KIAA0825: variants seen among roughly 807,000 people sequenced by gnomAD.
KIAA0825 encodes the protein uncharacterized protein KIAA0825.
A neutral mutation model predicts 147.6 loss-of-function variants in KIAA0825; 119 were observed. The ratio of observed to expected loss-of-function variants is 0.81; its 90% CI spans 0.69 to 0.94. KIAA0825 has a LOEUF of 0.94. Ranked by LOEUF, KIAA0825 falls within the 40% of genes least tolerant of loss-of-function variation. The pLI is 0.00. For synonymous variants in KIAA0825, 470 were observed against 518.1 expected (o/e 0.91, Z 1.26); for missense variants, 1,381 against 1,472.7 (o/e 0.94, Z 1.02).
At chr5:94,234,707 G>T (rs953616330) in intron 20 of KIAA0825, among the ~76,000 whole-genome samples, 1 of 152,114 alleles carries the variant, frequency 6.6e-6, no homozygotes, top group Non-Finnish European at 1.5e-5. Flanking sequence ...ACCAGATCTT[G>T]TGTGAACTCA....
intron 20 of KIAA0825, among the ~76,000 whole-genome samples, chr5:94,319,494 C>G (rs535088653): frequency 6.6e-6 from 1 of 152,002 alleles, no homozygotes; most frequent in South Asian, 2.1e-4. Context: ...CGTAGTATCT[C>G]CAAAAGAGAA....
chr5:94,325,154 G>T (rs1300785837), intron 20 of KIAA0825, among the ~76,000 whole-genome samples: 1 of 151,938 alleles, frequency 6.6e-6, no homozygotes, highest in Non-Finnish European at 1.5e-5. Context: ...CAACCTGCTA[G>T]TCAAATTAAA....
chr5:94,435,109 A>C (rs1756169248), intron 14 of KIAA0825, among the ~76,000 whole-genome samples: 1 of 152,014 alleles, frequency 6.6e-6, no homozygotes. Context: ...ATGAAAAAAA[A>C]CCACTATTTT....
chr5:94,243,845 T>C (rs181200053), intron 20 of KIAA0825, among the ~76,000 whole-genome samples: 259 of 152,318 alleles, frequency 1.7e-3, no homozygotes, highest in African/African-American at 5.7e-3. Flanking sequence ...AGATTTATCA[T>C]CTAAATGCCT....
At chr5:94,244,171 T>G (rs1005108596) in intron 20 of KIAA0825, among the ~76,000 whole-genome samples, 1 of 152,214 alleles carries the variant, frequency 6.6e-6, no homozygotes, top group Non-Finnish European at 1.5e-5. Flanking sequence ...AAGTCTGTGT[T>G]TGTGCACCGG....
At chr5:94,472,625 T>G (rs1269555492) in intron 8 of KIAA0825, among the ~76,000 whole-genome samples, 2 of 152,008 alleles carry the variant, frequency 1.3e-5, no homozygotes, top group Non-Finnish European at 2.9e-5. Flanking sequence ...GCGCCTTTAG[T>G]CCCAGCTACT....
At chr5:94,430,739 T>G (rs1204649957) in intron 14 of KIAA0825, among the ~76,000 whole-genome samples, 1 of 152,208 alleles carries the variant, frequency 6.6e-6, no homozygotes, top group African/African-American at 2.4e-5. Context: ...TACAGTCATA[T>G]TAGACATTTT....
chr5:94,480,829 C>A (rs1179726767), intron 6 of KIAA0825, among the ~76,000 whole-genome samples: 2 of 152,028 alleles, frequency 1.3e-5, no homozygotes, highest in African/African-American at 4.8e-5. Context: ...TATAATCCCT[C>A]TCCCCCAAAT....
chr5:94,228,372 C>G (rs1774392414), intron 20 of KIAA0825, among the ~76,000 whole-genome samples: 1 of 152,180 alleles, frequency 6.6e-6, no homozygotes, highest in African/African-American at 2.4e-5. Flanking sequence ...TCTAATATTT[C>G]TGTCTCTTGA....
At chr5:94,609,459 A>T (rs1279447955) in intron 1 of KIAA0825, among the ~76,000 whole-genome samples, 1 of 152,200 alleles carries the variant, frequency 6.6e-6, no homozygotes, top group African/African-American at 2.4e-5. Context: ...ATAAGTAGAT[A>T]TAATTACATA....
At chr5:94,584,272 A>C (rs569758427) in intron 1 of KIAA0825, among the ~76,000 whole-genome samples, 19 of 152,322 alleles carry the variant, frequency 1.2e-4, no homozygotes, top group African/African-American at 4.6e-4. Context: ...AACCCATCGC[A>C]AGGAAGCTAA....
chr5:94,320,631 T>C (rs1412472707), intron 20 of KIAA0825, among the ~76,000 whole-genome samples: 3 of 151,984 alleles, frequency 2.0e-5, no homozygotes, highest in Admixed American at 6.6e-5. Flanking sequence ...TTCATGAAAG[T>C]AAGGATTTTA....
intron 20 of KIAA0825, among the ~76,000 whole-genome samples, chr5:94,217,425 G>T (rs1773300982): frequency 6.6e-6 from 1 of 152,120 alleles, no homozygotes; most frequent in Non-Finnish European, 1.5e-5. Context: ...GAAGACTGAG[G>T]TTACACAGTG....
At chr5:94,374,636 A>T (rs1041989268) in intron 20 of KIAA0825, among the ~76,000 whole-genome samples, 6 of 152,108 alleles carry the variant, frequency 3.9e-5, no homozygotes, top group African/African-American at 1.4e-4. Context: ...GTCCATTCCT[A>T]CAAGGCATGG....
At chr5:94,343,741 C>T (rs1005962302) in intron 20 of KIAA0825, among the ~76,000 whole-genome samples, 3 of 152,042 alleles carry the variant, frequency 2.0e-5, no homozygotes, top group African/African-American at 7.2e-5. Flanking sequence ...AAATAGAAGA[C>T]ATTTGCAACA....
intron 20 of KIAA0825, among the ~76,000 whole-genome samples, chr5:94,303,053 A>C (rs927486149): frequency 2.6e-5 from 4 of 151,998 alleles, no homozygotes; most frequent in African/African-American, 9.7e-5. Flanking sequence ...TCCAACCAAC[A>C]CACAATTGCA....
chr5:94,573,277 T>G (rs1561336551), intron 2 of KIAA0825, among the ~76,000 whole-genome samples: 2 of 149,360 alleles, frequency 1.3e-5, no homozygotes, highest in African/African-American at 2.5e-5. Context: ...AGTGTTTTTT[T>G]TTTTTTTTTT....
chr5:94,362,546 C>A (rs1745206660), intron 20 of KIAA0825, among the ~76,000 whole-genome samples: 1 of 147,602 alleles, frequency 6.8e-6, no homozygotes, highest in Non-Finnish European at 1.5e-5. Flanking sequence ...CAGGTATCCC[C>A]ATCTCCAGAT....
intron 20 of KIAA0825, among the ~76,000 whole-genome samples, chr5:94,226,037 T>C (rs1774130003): frequency 6.6e-6 from 1 of 152,152 alleles, no homozygotes. Context: ...CTAAAGAGCT[T>C]CTGCACAGCA....
Sources: allele counts gnomAD v4.1 joint callset (sites outside exome capture counted in the v4.1 genomes callset), GRCh38; gene constraint gnomAD v4.1.1; transcripts MANE v1.5; gene names NCBI Gene and HGNC (gene_info 2026-07-23, HGNC 2026-07-21).